CASD1: variants seen among roughly 807,000 people sequenced by gnomAD.
CASD1 encodes CAS1 domain sialic acid O acetyltransferase 1.
Under a neutral mutation model 100.0 loss-of-function variants are expected in CASD1, and 41 were observed. That is an observed-to-expected ratio of 0.41 (90% CI 0.32 to 0.53). CASD1 has a LOEUF of 0.53. Ranked by LOEUF, CASD1 falls within the 20% of genes least tolerant of loss-of-function variation. The probability of loss-of-function intolerance (pLI) is 0.25; values close to 1 mark genes in which losing one functional copy is unlikely to be tolerated. For synonymous variants in CASD1, 321 were observed against 315.6 expected, an observed-to-expected ratio of 1.02 and a Z score of -0.18; for missense variants, 774 against 948.7, an observed-to-expected ratio of 0.82 and a Z score of 2.42.
chr7:94,589,160 C>T, the CASD1 span: 7 of 195,728 alleles, frequency 3.6e-5, no homozygotes, highest in African/African-American at 1.4e-4. Flanking sequence ...TATATAACCA[C>T]CTTCATTCAC....
At chr7:94,603,072 G>C in the CASD1 span, among the ~76,000 whole-genome samples, 6 of 152,084 alleles carry the variant, frequency 3.9e-5, no homozygotes, top group East Asian at 1.2e-3. Context: ...TCCAGCCCCA[G>C]CAATTAATCA....
the CASD1 span, among the ~76,000 whole-genome samples, chr7:94,576,176 C>CT: frequency 2.0e-5 from 3 of 152,092 alleles, no homozygotes; most frequent in Non-Finnish European, 2.9e-5. Flanking sequence ...TACTTTCATT[C>CT]TTTTTTCGTT....
At chr7:94,552,158 T>G in intron 15 of CASD1, 192 bp from the exon 16 acceptor site, 1 of 533,672 alleles carries the variant, frequency 1.9e-6, no homozygotes, top group African/African-American at 2.0e-5. Flanking sequence ...CTCTGTGCTT[T>G]CTTATGTTTG....
the CASD1 span, chr7:94,588,832 C>A: frequency 1.5e-6 from 2 of 1,332,962 alleles, no homozygotes; most frequent in South Asian, 2.4e-5. Context: ...TAAACTATGA[C>A]CCCAGTCATG....
At chr7:94,571,962 G>A in the CASD1 span, among the ~76,000 whole-genome samples, 1 of 151,976 alleles carries the variant, frequency 6.6e-6, no homozygotes, top group Admixed American at 6.5e-5. Context: ...CAAACTAGGG[G>A]GCTTCTAGGA....
At chr7:94,612,527 A>C in the CASD1 span, among the ~76,000 whole-genome samples, 1 of 152,164 alleles carries the variant, frequency 6.6e-6, no homozygotes, top group South Asian at 2.1e-4. Flanking sequence ...TTTTAAGTAC[A>C]CATGATTTAT....
chr7:94,549,565 A>C lies in CASD1; in HGVS notation c.1746A>C (p.Pro582=). ...TTGAGAAGATCTTTTCTCTTTGGCC[A>C]TTGTCCAAGTGTTTTGAACTGAAAG... ...GAFEKIFSLW[P]LSKCFELKGN... is the part of the protein sequence containing the mutation. Residue 582 remains proline, a synonymous_variant, in exon 14 of 18, where the codon CCA becomes CCC. Coordinates refer to ENST00000297273, the MANE Select transcript of CASD1 (RefSeq NM_022900.5). 6.2e-7 allele frequency: 1 copy of C among 1,611,276 alleles called. No homozygotes were observed. Among genetic ancestry groups the C allele is most frequent in the Middle Eastern group, 1.7e-4 (1 of 6,038 alleles).
chr7:94,520,852 G>A (rs1042709811), intron 3 of CASD1, among the ~76,000 whole-genome samples: 1 of 152,112 alleles, frequency 6.6e-6, no homozygotes, highest in Non-Finnish European at 1.5e-5. Flanking sequence ...AGCACTTTGG[G>A]AGGCCGAGGT....
At chr7:94,536,263 C>A (rs1385550770) in intron 8 of CASD1, among the ~76,000 whole-genome samples, 2 of 151,980 alleles carry the variant, frequency 1.3e-5, no homozygotes, top group Admixed American at 6.6e-5. Context: ...AAAAAGAATT[C>A]TTATAGCTCT....
At chr7:94,589,148 C>T in the CASD1 span, 4 of 207,304 alleles carry the variant, frequency 1.9e-5, no homozygotes, top group South Asian at 3.6e-4. Context: ...CATGGAACAA[C>T]ATATATAACC....
intron 10 of CASD1, 94 bp downstream of exon 10, chr7:94,539,150 C>A: frequency 1.6e-6 from 1 of 638,436 alleles, no homozygotes; most frequent in Non-Finnish European, 2.7e-6. Context: ...TTTATAATCT[C>A]TACCAGTTAT....
the CASD1 span, among the ~76,000 whole-genome samples, chr7:94,576,514 T>C: frequency 4.6e-5 from 7 of 152,248 alleles, no homozygotes; most frequent in African/African-American, 1.7e-4. Context: ...TGGATAAGTT[T>C]ATCCTAGAAA....
intron 1 of CASD1, among the ~76,000 whole-genome samples, 156 bp downstream of exon 1, chr7:94,510,373 G>A (rs77219070): frequency 0.079 from 12,028 of 152,204 alleles, 720 homozygotes; most frequent in East Asian, 0.23. Context: ...AGCAGCGGCC[G>A]GCGCCCGAGG....
chr7:94,552,490 G>A, intron 16 of CASD1, 63 bp downstream of exon 16: 3 of 1,264,070 alleles, frequency 2.4e-6, no homozygotes, highest in Non-Finnish European at 3.4e-6. Flanking sequence ...GGTTTTTAGA[G>A]GCAGAGAGAT....
At chr7:94,575,365 T>C in the CASD1 span, among the ~76,000 whole-genome samples, 2 of 152,208 alleles carry the variant, frequency 1.3e-5, no homozygotes, top group East Asian at 3.9e-4. Flanking sequence ...TTTTGAGTGA[T>C]TCTCTTAGTC....
the CASD1 span, among the ~76,000 whole-genome samples, chr7:94,603,747 T>TG: frequency 6.6e-6 from 1 of 151,630 alleles, no homozygotes; most frequent in South Asian, 2.1e-4. Context: ...TAAACATGCA[T>TG]CATATTCTGA....
At chr7:94,595,088 A>C in the CASD1 span, among the ~76,000 whole-genome samples, 1 of 152,158 alleles carries the variant, frequency 6.6e-6, no homozygotes, top group Non-Finnish European at 1.5e-5. Flanking sequence ...GACCTAATTT[A>C]ACTTTGTCTC....
chr7:94,601,806 G>A, the CASD1 span, among the ~76,000 whole-genome samples: 8 of 152,016 alleles, frequency 5.3e-5, no homozygotes, highest in African/African-American at 9.7e-5. Context: ...GCACATTGGC[G>A]GCTTGTTGTC....
At chr7:94,605,073 C>A in the CASD1 span, among the ~76,000 whole-genome samples, 1 of 151,594 alleles carries the variant, frequency 6.6e-6, no homozygotes, top group Non-Finnish European at 1.5e-5. Context: ...ATTCTTTTTA[C>A]TCCATACATT....
Sources: gnomAD v4.1 joint callset for allele counts (sites outside exome capture counted in the v4.1 genomes callset) on GRCh38, gnomAD v4.1.1 for gene constraint, MANE v1.5 for transcripts, NCBI Gene and HGNC (gene_info 2026-07-23, HGNC 2026-07-21) for gene names.